Variants in NMNAT2 observed in about 807,000 individuals in gnomAD.
NMNAT2 encodes nicotinamide/nicotinic acid mononucleotide adenylyltransferase 2.
In NMNAT2, 11 loss-of-function variants were observed where a neutral mutation model predicts 41.6. The ratio of observed to expected loss-of-function variants is 0.26; its 90% CI spans 0.17 to 0.44. NMNAT2 has a LOEUF of 0.44. NMNAT2 is among the 20% of genes least tolerant of loss of function. The probability of loss-of-function intolerance (pLI) is 1.00; values close to 1 mark genes in which losing one functional copy is unlikely to be tolerated. For synonymous variants in NMNAT2, 148 were observed against 151.2 expected (o/e 0.98, Z 0.16); for missense variants, 288 against 407.7 (o/e 0.71, Z 2.53).
At chr1:183,405,090 T>C (rs969493600) in intron 1 of NMNAT2, among the ~76,000 whole-genome samples, 1 of 152,090 alleles carries the variant, frequency 6.6e-6, no homozygotes, top group Non-Finnish European at 1.5e-5. Flanking sequence ...CGCGGTTGAA[T>C]GTGCCTGTAG....
At chr1:183,409,338 A>G (rs1324561895) in intron 1 of NMNAT2, among the ~76,000 whole-genome samples, 1 of 152,178 alleles carries the variant, frequency 6.6e-6, no homozygotes, top group African/African-American at 2.4e-5. Context: ...TTTTCTTGAG[A>G]CAGAGTCTCT....
chr1:183,349,758 T>A (rs1011101899), intron 1 of NMNAT2, among the ~76,000 whole-genome samples: 1 of 152,120 alleles, frequency 6.6e-6, no homozygotes, highest in African/African-American at 2.4e-5. Context: ...TTTCCAGAGC[T>A]CTGAACCAAT....
chr1:183,403,078 T>A (rs989531113), intron 1 of NMNAT2, among the ~76,000 whole-genome samples: 1 of 151,942 alleles, frequency 6.6e-6, no homozygotes, highest in African/African-American at 2.4e-5. Flanking sequence ...GGATTACAGA[T>A]GCCTGCCATC....
Position 183,357,219 on chromosome 1 carries a change from CTTTTTTT to C in NMNAT2, c.85+60957_85+60963del, listed in dbSNP as rs11343113. Among the ~76,000 whole-genome samples, 690 of 71,556 alleles carry C rather than the reference CTTTTTTT, an allele frequency of 9.6e-3. 1 individual carries two copies. Among genetic ancestry groups the C allele is most frequent in the African/African-American group, 0.012 (213 of 17,154 alleles). The allele number at this position is 71,556 out of a possible 152,430, so 46.9% of individuals were successfully genotyped here. The stretch of plus-strand genomic sequence containing the variant: ...GCTCAGGGAAGAGAGACATCAAATT[CTTTTTTT>C]TTTTTTTTTTTTTTTTTTTTTGAGA... On this transcript the variant is annotated intron_variant, in intron 1 of 10. Transcript: ENST00000287713.
chr1:183,273,879 C>T (rs1166523025), intron 8 of NMNAT2, among the ~76,000 whole-genome samples: 1 of 108,426 alleles, frequency 9.2e-6, no homozygotes, highest in Admixed American at 1.1e-4. Flanking sequence ...TCCTTCCTTC[C>T]TTCCTTCCTT....
At chr1:183,273,406 G>A (rs1026632323) in intron 8 of NMNAT2, among the ~76,000 whole-genome samples, 1 of 152,250 alleles carries the variant, frequency 6.6e-6, no homozygotes, top group African/African-American at 2.4e-5. Flanking sequence ...AAAGAGAAAT[G>A]TGCTCTGAGA....
At chr1:183,279,744 A>G (rs2102298052) in intron 7 of NMNAT2, among the ~76,000 whole-genome samples, 2 of 152,234 alleles carry the variant, frequency 1.3e-5, no homozygotes. Context: ...CCAGCATCTC[A>G]TGGTCCCAGG....
intron 1 of NMNAT2, among the ~76,000 whole-genome samples, chr1:183,323,424 T>G (rs1185627404): frequency 2.0e-5 from 3 of 152,176 alleles, no homozygotes; most frequent in African/African-American, 7.2e-5. Flanking sequence ...TCATCTCCAC[T>G]GCCACCACCA....
At chr1:183,289,830 T>C (rs978592600) in intron 4 of NMNAT2, among the ~76,000 whole-genome samples, 3 of 152,096 alleles carry the variant, frequency 2.0e-5, no homozygotes, top group African/African-American at 7.2e-5. Context: ...CACCTTGAAC[T>C]TGCTCCCAGC....
chr1:183,309,528 T>C (rs1280442549), intron 1 of NMNAT2, among the ~76,000 whole-genome samples: 1 of 152,222 alleles, frequency 6.6e-6, no homozygotes, highest in Non-Finnish European at 1.5e-5. Context: ...AACTATGATA[T>C]TAGTTTTAAA....
At chr1:183,253,904 C>CGTGTGTGT (rs139756017) in intron 10 of NMNAT2, among the ~76,000 whole-genome samples, 2,440 of 144,324 alleles carry the variant, frequency 0.017, 29 homozygotes, top group Middle Eastern at 0.039. Context: ...GTTCCACTTC[C>CGTGTGTGT]GTGTGTGTGT....
intron 8 of NMNAT2, among the ~76,000 whole-genome samples, chr1:183,270,321 C>T (rs1660951987): frequency 6.6e-6 from 1 of 152,074 alleles, no homozygotes; most frequent in South Asian, 2.1e-4. Context: ...TAGTATACTT[C>T]TGGATGAGTT....
At chr1:183,357,083 C>T (rs188745871) in intron 1 of NMNAT2, among the ~76,000 whole-genome samples, 50 of 152,054 alleles carry the variant, frequency 3.3e-4, no homozygotes, top group Admixed American at 8.5e-4. Context: ...TGATTTGGGA[C>T]GGCTATGGTG....
chr1:183,320,476 G>A (rs901878714), intron 1 of NMNAT2, among the ~76,000 whole-genome samples: 2 of 152,224 alleles, frequency 1.3e-5, no homozygotes, highest in East Asian at 3.9e-4. Flanking sequence ...TGTGGTGGCG[G>A]GTGCCTGTAA....
chr1:183,387,604 T>G (rs952038666), intron 1 of NMNAT2, among the ~76,000 whole-genome samples: 31 of 152,358 alleles, frequency 2.0e-4, no homozygotes, highest in African/African-American at 6.7e-4. Context: ...CCTGGTGCGT[T>G]CAATGTTGAG....
Position 183,252,543 on chromosome 1 carries a change from C to T in NMNAT2, c.*98G>A. ...GGGTTAAGTCAGCAAGTAGGGAAAACAGTCAAGACGAGGAGATGGAGAAAC... is the reference window on the plus strand; with the variant it reads ...GGGTTAAGTCAGCAAGTAGGGAAAATAGTCAAGACGAGGAGATGGAGAAAC... On this transcript the variant is annotated 3_prime_UTR_variant, in exon 11 of 11. Coordinates refer to ENST00000287713, the MANE Select transcript of NMNAT2 (RefSeq NM_015039.4). 1.1e-6 allele frequency: 1 copy of T among 895,158 alleles called. No individual in the cohort carries two copies. The allele number at this position is 895,158 out of a possible 1,614,324, so 55.5% of individuals were successfully genotyped here. A position where few individuals can be genotyped will look rare whatever the true frequency, so the allele number is the denominator to read the frequency against.
chr1:183,289,122 C>T (rs891028545), intron 4 of NMNAT2, among the ~76,000 whole-genome samples: 23 of 152,200 alleles, frequency 1.5e-4, no homozygotes, highest in African/African-American at 5.5e-4. Flanking sequence ...GGCTGCTCCC[C>T]AGGAAGAACG....
chr1:183,355,206 C>T (rs146081933), intron 1 of NMNAT2, among the ~76,000 whole-genome samples: 223 of 152,310 alleles, frequency 1.5e-3, no homozygotes, highest in African/African-American at 4.7e-3. Flanking sequence ...GCGATTTCCT[C>T]GGAGAGGACT....
intron 10 of NMNAT2, among the ~76,000 whole-genome samples, chr1:183,255,156 C>A (rs531181489): frequency 8.5e-5 from 13 of 152,146 alleles, no homozygotes; most frequent in Non-Finnish European, 1.8e-4. Flanking sequence ...TTTCCAGCAC[C>A]ATCTATTGAA....
Sources: gnomAD v4.1 joint callset for allele counts (sites outside exome capture counted in the v4.1 genomes callset) on GRCh38, gnomAD v4.1.1 for gene constraint, MANE v1.5 for transcripts, NCBI Gene and HGNC (gene_info 2026-07-23, HGNC 2026-07-21) for gene names.